NRXN3: variants seen among roughly 807,000 people sequenced by gnomAD.
NRXN3 encodes the protein neurexin 3.
NRXN3 carries 32 observed loss-of-function variants against 137.6 expected under a neutral mutation model. The observed-to-expected ratio is 0.23, with a 90% CI of 0.18 to 0.31. NRXN3 has a LOEUF of 0.31. Among genes scored for constraint, NRXN3 ranks in the 10% least tolerant of loss-of-function variants. NRXN3 has a pLI of 1.00. For missense variants in NRXN3, 1,574 were observed against 2,062.5 expected, an observed-to-expected ratio of 0.76 and a Z score of 4.59; for synonymous variants, 798 against 784.5, an observed-to-expected ratio of 1.02 and a Z score of -0.29.
chr14:78,853,313 C>T (rs1226832171), intron 10 of NRXN3, among the ~76,000 whole-genome samples: 1 of 152,032 alleles, frequency 6.6e-6, no homozygotes, highest in African/African-American at 2.4e-5. Flanking sequence ...TGAGAACATG[C>T]GGTGTTTGGT....
intron 15 of NRXN3, among the ~76,000 whole-genome samples, chr14:79,157,074 G>T (rs1350602434): frequency 6.6e-6 from 1 of 151,666 alleles, no homozygotes; most frequent in African/African-American, 2.4e-5. Context: ...GGTGTTAATT[G>T]GTATCTGCCA....
intron 15 of NRXN3, chr14:79,280,202 C>T: frequency 6.4e-7 from 1 of 1,560,538 alleles, no homozygotes; most frequent in Non-Finnish European, 8.6e-7. Context: ...CTTCCTCCTG[C>T]TATGATGGGC....
At position 79,864,275 on chromosome 14, in the gene NRXN3, T is replaced by C. The variant is rs2099416901; in HGVS notation, c.*2311T>C. On this transcript the variant is annotated 3_prime_UTR_variant, in exon 21 of 21. Transcript: ENST00000335750. The stretch of plus-strand genomic sequence containing the variant: ...CATGTGCATTCTCTATGTGAGCTTC[T>C]ATCATATTCCTGTTTTATTAGCAGA... The C allele has an allele frequency of 6.5e-6, 1 of 152,688 alleles. No individual in the cohort carries two copies. The highest frequency in any genetic ancestry group is 1.9e-4 in the East Asian group (1 of 5,202). 9.5% of individuals were successfully genotyped at this position (152,688 alleles called of 1,614,324 possible). A position where few individuals can be genotyped will look rare whatever the true frequency, so the allele number is the denominator to read the frequency against.
At chr14:79,789,314 T>G (rs1047764674) in intron 19 of NRXN3, among the ~76,000 whole-genome samples, 1 of 152,012 alleles carries the variant, frequency 6.6e-6, no homozygotes, top group African/African-American at 2.4e-5. Context: ...AGAGATGGCT[T>G]TGCAGGACTT....
chr14:78,568,405 C>T (rs2096856455), intron 4 of NRXN3, among the ~76,000 whole-genome samples: 1 of 152,176 alleles, frequency 6.6e-6, no homozygotes, highest in South Asian at 2.1e-4. Flanking sequence ...TCTTGGACTT[C>T]CAAGCCCCCA....
chr14:79,060,550 T>C (rs972249074), intron 15 of NRXN3, among the ~76,000 whole-genome samples: 2 of 152,200 alleles, frequency 1.3e-5, no homozygotes, highest in African/African-American at 2.4e-5. Flanking sequence ...TAGTTTTTTT[T>C]TAGCATAAAG....
intron 15 of NRXN3, among the ~76,000 whole-genome samples, chr14:79,289,588 C>T (rs2082831196): frequency 6.6e-6 from 1 of 152,090 alleles, no homozygotes; most frequent in African/African-American, 2.4e-5. Context: ...CCATTGCACT[C>T]CAGCCTGGGT....
chr14:78,237,367 CT>C (rs1279891683), intron 1 of NRXN3, among the ~76,000 whole-genome samples: 1 of 152,244 alleles, frequency 6.6e-6, no homozygotes, highest in Non-Finnish European at 1.5e-5. Context: ...GGCTTTAGGT[CT>C]GGCTAGATCT....
intron 4 of NRXN3, among the ~76,000 whole-genome samples, chr14:78,514,941 A>C (rs2096178828): frequency 6.6e-6 from 1 of 152,128 alleles, no homozygotes; most frequent in Non-Finnish European, 1.5e-5. Context: ...GGTGGTAACG[A>C]GCTTGGTAGA....
At chr14:78,770,656 G>C (rs1186538547) in intron 8 of NRXN3, among the ~76,000 whole-genome samples, 2 of 152,188 alleles carry the variant, frequency 1.3e-5, no homozygotes, top group Admixed American at 6.5e-5. Flanking sequence ...TGGGAAATTA[G>C]TGACCAGGTT....
chr14:79,109,558 G>T (rs939556283), intron 15 of NRXN3, among the ~76,000 whole-genome samples: 1 of 152,068 alleles, frequency 6.6e-6, no homozygotes, highest in Non-Finnish European at 1.5e-5. Context: ...TTTTTTCCAG[G>T]CTTGTGGGGA....
intron 6 of NRXN3, among the ~76,000 whole-genome samples, chr14:78,704,546 G>T (rs2098325839): frequency 6.6e-6 from 1 of 152,150 alleles, no homozygotes; most frequent in South Asian, 2.1e-4. Context: ...GAAGGGCTTT[G>T]CACATCAAGA....
At chr14:79,427,747 G>C (rs1185186638) in intron 15 of NRXN3, among the ~76,000 whole-genome samples, 1 of 151,256 alleles carries the variant, frequency 6.6e-6, no homozygotes, top group South Asian at 2.1e-4. Context: ...CAGGAGAATT[G>C]CTTGAACCCT....
chr14:79,096,818 C>A (rs2050437569), intron 15 of NRXN3, among the ~76,000 whole-genome samples: 1 of 152,058 alleles, frequency 6.6e-6, no homozygotes, highest in African/African-American at 2.4e-5. Context: ...GCCTTTCATA[C>A]CTGTCAGTTC....
chr14:79,427,203 T>C (rs2095667135), intron 15 of NRXN3, among the ~76,000 whole-genome samples: 1 of 152,118 alleles, frequency 6.6e-6, no homozygotes, highest in Non-Finnish European at 1.5e-5. Flanking sequence ...TCAGAAGACC[T>C]GTAAACAGCC....
intron 15 of NRXN3, among the ~76,000 whole-genome samples, chr14:79,306,876 T>C (rs191857281): frequency 6.6e-6 from 1 of 152,260 alleles, no homozygotes; most frequent in East Asian, 1.9e-4. Flanking sequence ...GAACAGATTC[T>C]AGTTTTCCCC....
At chr14:78,611,215 C>T (rs540031684) in intron 4 of NRXN3, among the ~76,000 whole-genome samples, 2 of 152,298 alleles carry the variant, frequency 1.3e-5, no homozygotes, top group Non-Finnish European at 2.9e-5. Context: ...TGGGCAATAA[C>T]ACACCATTAT....
chr14:78,742,087 C>T (rs928991596), intron 8 of NRXN3, among the ~76,000 whole-genome samples: 2 of 152,160 alleles, frequency 1.3e-5, no homozygotes, highest in Non-Finnish European at 2.9e-5. Context: ...TGTTTCCTCG[C>T]ATTACTCTCC....
At chr14:78,586,433 T>A (rs1377375706) in intron 4 of NRXN3, among the ~76,000 whole-genome samples, 3 of 152,164 alleles carry the variant, frequency 2.0e-5, no homozygotes, top group Non-Finnish European at 4.4e-5. Flanking sequence ...TACTTCCCCA[T>A]AAGGACGGTA....
Sources: gnomAD v4.1 joint callset for allele counts (sites outside exome capture counted in the v4.1 genomes callset) on GRCh38, gnomAD v4.1.1 for gene constraint, MANE v1.5 for transcripts, NCBI Gene and HGNC (gene_info 2026-07-23, HGNC 2026-07-21) for gene names.